The following CEP41 variants were observed in gnomAD, a reference collection of about 807,000 sequenced individuals.
CEP41 encodes the protein centrosomal protein 41.
Under a neutral mutation model 44.3 loss-of-function variants are expected in CEP41, and 32 were observed. The ratio of observed to expected loss-of-function variants is 0.72; its 90% CI spans 0.54 to 0.97. The LOEUF is 0.97. Among genes scored for constraint, CEP41 ranks in the 50% least tolerant of loss-of-function variants. The pLI is 0.00. For synonymous variants in CEP41, 151 were observed against 168.5 expected, an observed-to-expected ratio of 0.90 and a Z score of 0.80; for missense variants, 432 against 455.2, an observed-to-expected ratio of 0.95 and a Z score of 0.46.
chr7:130,398,805 A>C lies in CEP41; in HGVS notation c.*86T>G, dbSNP rs1554416026. On this transcript the variant is annotated 3_prime_UTR_variant, in exon 11 of 11. Coordinates refer to ENST00000223208, the MANE Select transcript of CEP41 (RefSeq NM_018718.3). Reference sequence around the variant, plus strand: ...TATGTCATGGTCTTTCCTCTGCAGAAGTTTCTGGAAATGACCCAACTTGGG... The same window carrying C: ...TATGTCATGGTCTTTCCTCTGCAGACGTTTCTGGAAATGACCCAACTTGGG... 7 of 1,480,310 alleles carry C rather than the reference A, an allele frequency of 4.7e-6. No homozygotes were observed. The highest frequency in any genetic ancestry group is 6.6e-6 in the Non-Finnish European group (7 of 1,060,906). The allele number at this position is 1,480,310 out of a possible 1,614,324, so 91.7% of individuals were successfully genotyped here.
rs1554419054 is a variant in CEP41, at chr7:130,410,026, C to CTTCTTTTTTTTTTT, written c.277+1082_277+1095dup. ...GTGCCTTGAGGAAGCCTACCTCGGT[C>CTTCTTTTTTTTTTT]TTCTTTTTTTTTTTTTTGAGACAGA... On this transcript the variant is annotated intron_variant, in intron 5 of 10. Transcript: ENST00000223208. 5.0e-3 allele frequency among the ~76,000 whole-genome samples: 663 copies of CTTCTTTTTTTTTTT among 131,852 alleles called. 5 individuals are homozygous for CTTCTTTTTTTTTTT. The highest frequency in any genetic ancestry group is 8.8e-3 in the African/African-American group (301 of 34,188). The allele number at this position is 131,852 out of a possible 152,430, so 86.5% of individuals were successfully genotyped here.
intron 2 of CEP41, among the ~76,000 whole-genome samples, chr7:130,424,073 G>A (rs936964987): frequency 2.0e-5 from 3 of 152,122 alleles, no homozygotes; most frequent in African/African-American, 7.2e-5. Context: ...GGAAAGGCAA[G>A]GGAATTAAAA....
chr7:130,418,563 C>T (rs1337624033), intron 2 of CEP41, among the ~76,000 whole-genome samples: 6 of 152,104 alleles, frequency 3.9e-5, no homozygotes, highest in Non-Finnish European at 7.4e-5. Context: ...ATGTTATTGA[C>T]GTGGCAGGTA....
chr7:130,424,399 CAAAA>C (rs35053180), intron 2 of CEP41, among the ~76,000 whole-genome samples: 1 of 96,556 alleles, frequency 1.0e-5, no homozygotes, highest in Non-Finnish European at 2.2e-5. Flanking sequence ...GACCCTGTCT[CAAAA>C]AAAAAAAAAA....
intron 1 of CEP41, among the ~76,000 whole-genome samples, chr7:130,434,198 C>A (rs1797899107): frequency 6.6e-6 from 1 of 152,202 alleles, no homozygotes; most frequent in South Asian, 2.1e-4. Flanking sequence ...ATGCTGCTAA[C>A]ATTTATTGAG....
At chr7:130,437,950 G>GA (rs1798025140) in intron 1 of CEP41, among the ~76,000 whole-genome samples, 1 of 152,028 alleles carries the variant, frequency 6.6e-6, no homozygotes, top group Admixed American at 6.6e-5. Context: ...TCTTTCTTAA[G>GA]AAACTACTAG....
chr7:130,418,383 C>A (rs1203979232), intron 2 of CEP41, among the ~76,000 whole-genome samples: 4 of 152,202 alleles, frequency 2.6e-5, no homozygotes, highest in African/African-American at 9.7e-5. Context: ...TTCCTGGACA[C>A]ACATCTCTCC....
At chr7:130,431,696 A>G (rs1797825252) in intron 1 of CEP41, among the ~76,000 whole-genome samples, 2 of 152,168 alleles carry the variant, frequency 1.3e-5, no homozygotes, top group Non-Finnish European at 2.9e-5. Context: ...AAAAGCATGG[A>G]GAAAGAGTGG....
intron 1 of CEP41, chr7:130,440,727 A>C: frequency 1.6e-6 from 1 of 627,218 alleles, no homozygotes; most frequent in Non-Finnish European, 2.8e-6. Flanking sequence ...GTACGCGGGG[A>C]GAGATCGCTC....
At position 130,398,449 on chromosome 7, in the gene CEP41, C is replaced by T. The variant is rs1347138954; in HGVS notation, c.*442G>A. 4 of 454,104 alleles carry T rather than the reference C, an allele frequency of 8.8e-6. No homozygotes were observed. The highest frequency in any genetic ancestry group is 2.0e-5 in the African/African-American group (1 of 49,982). 28.1% of individuals were successfully genotyped at this position (454,104 alleles called of 1,614,324 possible). The stretch of plus-strand genomic sequence containing the variant: ...AACAGCTTCTCACACCAAGACTGCC[C>T]GGAGAAGCCTTCATGAAGTCAAGAA... On this transcript the variant is annotated 3_prime_UTR_variant, in exon 11 of 11. Transcript: ENST00000223208.
In CEP41 at chr7:130,393,826, C is replaced by CT. The variant is rs199581382; in HGVS notation, c.*5064dup. 9.5e-4 allele frequency: 433 copies of CT among 454,080 alleles called. 4 individuals carry two copies. The East Asian group carries it at 0.026, about 27-fold the overall frequency. The allele number at this position is 454,080 out of a possible 1,614,324, so 28.1% of individuals were successfully genotyped here. A position where few individuals can be genotyped will look rare whatever the true frequency, so the allele number is the denominator to read the frequency against. On this transcript the variant is annotated 3_prime_UTR_variant, in exon 11 of 11. Transcript: ENST00000223208. Reference sequence around the variant, plus strand: ...CTAGACCTATCAGGAAAACAGCCTACTTTTTTCCCCCTACAATATAATTAA... The same window carrying CT: ...CTAGACCTATCAGGAAAACAGCCTACTTTTTTTCCCCCTACAATATAATTAA...
At chr7:130,431,662 G>A (rs1225364438) in intron 1 of CEP41, among the ~76,000 whole-genome samples, 1 of 152,156 alleles carries the variant, frequency 6.6e-6, no homozygotes, top group African/African-American at 2.4e-5. Context: ...TAGTGGGTGA[G>A]AGCTACGGGG....
At chr7:130,400,628 C>T (rs1554416627) in intron 9 of CEP41, 79 bp downstream of exon 9, 1 of 898,730 alleles carries the variant, frequency 1.1e-6, no homozygotes, top group African/African-American at 1.6e-5. Flanking sequence ...TTCTGAGCAC[C>T]AAGAGAGAAA....
At chr7:130,401,765 C>A in intron 8 of CEP41, 116 bp downstream of exon 8, 1 of 719,940 alleles carries the variant, frequency 1.4e-6, no homozygotes, top group Non-Finnish European at 2.5e-6. Context: ...AAAATATGCT[C>A]AGCCAAATAA....
Position 130,404,605 on chromosome 7 carries a change from G to A in CEP41, c.381C>T (p.Asn127=). The A allele has an allele frequency of 6.2e-7, 1 of 1,613,886 alleles. No homozygotes were observed. Among genetic ancestry groups the A allele is most frequent in the Non-Finnish European group, 8.5e-7 (1 of 1,179,768 alleles). The change falls in exon 6 of 11, where the codon AAC becomes AAT. Residue 127 remains asparagine (N), a synonymous_variant. Transcript: ENST00000223208. ...GGCTGGAGTCCCCTGCTCCTGCGTT[G>A]TTTATGAACTGCTCAGGGCTCGGCG... is the stretch of plus-strand genomic sequence containing the variant. ...EQSPSPEQFI[N]NAGAGDSSRS... is the part of the protein sequence containing the mutation.
chr7:130,422,648 T>C (rs1797543089), intron 2 of CEP41, among the ~76,000 whole-genome samples: 1 of 152,180 alleles, frequency 6.6e-6, no homozygotes, highest in Non-Finnish European at 1.5e-5. Flanking sequence ...AAACTGACTT[T>C]AGAATAATTT....
chr7:130,406,405 G>A (rs1003744060), intron 5 of CEP41, among the ~76,000 whole-genome samples: 1 of 152,040 alleles, frequency 6.6e-6, no homozygotes, highest in Non-Finnish European at 1.5e-5. Flanking sequence ...CCAACATAGC[G>A]AAACCCCATC....
In CEP41 at chr7:130,398,225, G is replaced by A. The variant is rs899725481; in HGVS notation, c.*666C>T. 3 of 454,078 alleles carry A rather than the reference G, an allele frequency of 6.6e-6. No individual in the cohort carries two copies. The highest frequency in any genetic ancestry group is 1.3e-5 in the Non-Finnish European group (3 of 226,756). 28.1% of individuals were successfully genotyped at this position (454,078 alleles called of 1,614,324 possible). Reference sequence around the variant, plus strand: ...CCACATGCATACCTTTCTGGCTCCAGGAAATATCTAGTAAGGGGGAGCATT... The same window carrying A: ...CCACATGCATACCTTTCTGGCTCCAAGAAATATCTAGTAAGGGGGAGCATT... On this transcript the variant is annotated 3_prime_UTR_variant, in exon 11 of 11. Coordinates refer to ENST00000223208, the MANE Select transcript of CEP41 (RefSeq NM_018718.3).
upstream of CEP41, chr7:130,441,222 C>A (rs1443210473): frequency 3.7e-6 from 2 of 538,014 alleles, no homozygotes; most frequent in Non-Finnish European, 7.0e-6. Context: ...GGCTGGGGCT[C>A]GCCGGCTCCA....
Sources: gnomAD v4.1 joint callset for allele counts (sites outside exome capture counted in the v4.1 genomes callset) on GRCh38, gnomAD v4.1.1 for gene constraint, MANE v1.5 for transcripts, NCBI Gene and HGNC (gene_info 2026-07-23, HGNC 2026-07-21) for gene names.